Variants in CACNA2D3 observed in about 807,000 individuals in gnomAD.
CACNA2D3 encodes the protein voltage-dependent calcium channel subunit alpha-2/delta-3.
Under a neutral mutation model 160.6 loss-of-function variants are expected in CACNA2D3, and 60 were observed. The ratio of observed to expected loss-of-function variants is 0.37; its 90% confidence interval spans 0.30 to 0.46. The LOEUF (loss-of-function observed/expected upper bound fraction) is 0.46, where lower values mean the gene tolerates loss of function less well. Ranked by LOEUF, CACNA2D3 falls within the 20% of genes least tolerant of loss-of-function variation. The probability of loss-of-function intolerance (pLI) is 1.00; values close to 1 mark genes in which losing one functional copy is unlikely to be tolerated. For synonymous variants in CACNA2D3, 558 were observed against 492.9 expected (o/e 1.13, Z -1.75); for missense variants, 1,205 against 1,365.0 (o/e 0.88, Z 1.85).
chr3:54,660,940 T>C (rs1432501277), intron 11 of CACNA2D3, among the ~76,000 whole-genome samples: 1 of 152,132 alleles, frequency 6.6e-6, no homozygotes, highest in East Asian at 1.9e-4. Context: ...ACAGCTGAGG[T>C]TGGTGACTGA....
intron 34 of CACNA2D3, among the ~76,000 whole-genome samples, chr3:55,017,523 C>T (rs1163061674): frequency 6.6e-6 from 1 of 152,144 alleles, no homozygotes; most frequent in Non-Finnish European, 1.5e-5. Context: ...GTTTTATTTA[C>T]TTCTCACATC....
chr3:54,581,912 T>G, intron 9 of CACNA2D3, 35 bp downstream of exon 9: 1 of 1,550,008 alleles, frequency 6.5e-7, no homozygotes. Flanking sequence ...CCAGTCATGG[T>G]ACACCCCTGT....
At position 54,927,794 on chromosome 3, in the gene CACNA2D3, G is replaced by A; in HGVS notation, c.2449+27926G>A. 5.2e-6 allele frequency: 6 copies of A among 1,159,042 alleles called. No homozygotes were observed. The South Asian group carries it at 6.2e-5, about 12-fold the overall frequency. The allele number at this position is 1,159,042 out of a possible 1,614,324, so 71.8% of individuals were successfully genotyped here. A position where few individuals can be genotyped will look rare whatever the true frequency, so the allele number is the denominator to read the frequency against. On this transcript the variant is annotated intron_variant, in intron 27 of 37. Transcript: ENST00000474759. ...CAGAGACATTTTTCATATCTGTCCA[G>A]TCTTTTAAGACAGACGACTTGAAAA...
chr3:54,386,497 CAAT>C (rs1699188440), intron 3 of CACNA2D3, among the ~76,000 whole-genome samples: 1 of 152,088 alleles, frequency 6.6e-6, no homozygotes, highest in Non-Finnish European at 1.5e-5. Context: ...GTGTACATAA[CAAT>C]AAATATTTAT....
intron 13 of CACNA2D3, among the ~76,000 whole-genome samples, chr3:54,801,322 C>CG (rs1559586769): frequency 6.6e-6 from 1 of 151,928 alleles, no homozygotes; most frequent in East Asian, 1.9e-4. Flanking sequence ...GTTGGCTTGG[C>CG]GGGGGTGGTA....
intron 4 of CACNA2D3, among the ~76,000 whole-genome samples, chr3:54,438,725 G>A (rs1241444921): frequency 6.6e-6 from 1 of 152,174 alleles, no homozygotes. Context: ...GAGACATTAA[G>A]TGCATTAATT....
chr3:54,782,995 T>A (rs1043910882), intron 13 of CACNA2D3, among the ~76,000 whole-genome samples: 2 of 152,102 alleles, frequency 1.3e-5, no homozygotes, highest in African/African-American at 2.4e-5. Context: ...CCCTATTATC[T>A]CCATTTACTT....
intron 2 of CACNA2D3, among the ~76,000 whole-genome samples, chr3:54,219,101 C>T (rs1701517948): frequency 6.6e-6 from 1 of 152,142 alleles, no homozygotes. Context: ...ATCTCATGCC[C>T]TGCATATGAA....
chr3:54,644,899 G>T (rs1298924100), intron 11 of CACNA2D3, among the ~76,000 whole-genome samples: 1 of 152,222 alleles, frequency 6.6e-6, no homozygotes, highest in Non-Finnish European at 1.5e-5. Context: ...CCATATTGCT[G>T]CCGTCTATTG....
At chr3:54,287,179 A>C (rs1703053440) in intron 2 of CACNA2D3, among the ~76,000 whole-genome samples, 1 of 152,130 alleles carries the variant, frequency 6.6e-6, no homozygotes, top group South Asian at 2.1e-4. Flanking sequence ...TATTCAGGAA[A>C]CCCATCTCAC....
intron 2 of CACNA2D3, among the ~76,000 whole-genome samples, chr3:54,319,157 G>GAGAC (rs1491136611): frequency 7.2e-6 from 1 of 138,878 alleles, no homozygotes; most frequent in East Asian, 2.1e-4. Flanking sequence ...AGCATTTTGT[G>GAGAC]ACACACACAC....
chr3:54,922,265 A>T (rs944749836), intron 27 of CACNA2D3, among the ~76,000 whole-genome samples: 4 of 151,836 alleles, frequency 2.6e-5, no homozygotes, highest in African/African-American at 9.7e-5. Flanking sequence ...TTTGTGGCAG[A>T]GTAGGGCACA....
intron 11 of CACNA2D3, among the ~76,000 whole-genome samples, chr3:54,675,626 G>C (rs189493425): frequency 6.6e-6 from 1 of 152,272 alleles, no homozygotes; most frequent in East Asian, 1.9e-4. Flanking sequence ...GAGACGCAGA[G>C]GATGAAGGCC....
In CACNA2D3 at chr3:54,392,394, G is replaced by A. The variant is rs192707931; in HGVS notation, c.381+5620G>A. On this transcript the variant is annotated intron_variant, in intron 4 of 37. Transcript: ENST00000474759. ...TTTCTTTGAAAGCTGTCTCAAATAAGTGCCAGTTGCACAGAGCGGGTGCAC... is the reference window on the plus strand; with the variant it reads ...TTTCTTTGAAAGCTGTCTCAAATAAATGCCAGTTGCACAGAGCGGGTGCAC... Among the ~76,000 whole-genome samples the A allele has an allele frequency of 1.1e-4, 17 of 152,292 alleles. 1 individual carries two copies. In the East Asian group the frequency reaches 1.7e-3, roughly 16 times the overall value.
At chr3:54,145,486 A>C (rs1700009839) in intron 2 of CACNA2D3, among the ~76,000 whole-genome samples, 1 of 152,224 alleles carries the variant, frequency 6.6e-6, no homozygotes. Context: ...TGTCCCTCTC[A>C]GCCATTTAAT....
chr3:54,458,188 G>C (rs1700433860), intron 4 of CACNA2D3, among the ~76,000 whole-genome samples: 1 of 152,032 alleles, frequency 6.6e-6, no homozygotes. Context: ...TATCATTGCA[G>C]TTTGGTAGTT....
At chr3:54,641,106 A>G (rs1232434947) in intron 10 of CACNA2D3, among the ~76,000 whole-genome samples, 1 of 152,096 alleles carries the variant, frequency 6.6e-6, no homozygotes, top group South Asian at 2.1e-4. Context: ...CCAAATATGA[A>G]TGACTGTGTC....
chr3:54,626,788 T>A, intron 9 of CACNA2D3: 1 of 619,418 alleles, frequency 1.6e-6, no homozygotes, highest in Non-Finnish European at 2.8e-6. Flanking sequence ...GTGTGGGCTT[T>A]TGGGTCACTC....
At chr3:54,292,971 C>T (rs1559911948) in intron 2 of CACNA2D3, among the ~76,000 whole-genome samples, 1 of 152,170 alleles carries the variant, frequency 6.6e-6, no homozygotes, top group Non-Finnish European at 1.5e-5. Flanking sequence ...GTGATATATG[C>T]ATACAATGGA....
Sources: gnomAD v4.1 joint callset for allele counts (sites outside exome capture counted in the v4.1 genomes callset) on GRCh38, gnomAD v4.1.1 for gene constraint, MANE v1.5 for transcripts, NCBI Gene and HGNC (gene_info 2026-07-23, HGNC 2026-07-21) for gene names.